The following TENM2 variants were observed in gnomAD, a reference collection of about 807,000 sequenced individuals.
TENM2 encodes the protein teneurin-2.
Under a neutral mutation model 245.2 loss-of-function variants are expected in TENM2, and 52 were observed. The observed-to-expected ratio is 0.21, with a 90% confidence interval of 0.17 to 0.27. The LOEUF is 0.27. Ranked by LOEUF, TENM2 falls within the 10% of genes least tolerant of loss-of-function variation. TENM2 has a pLI of 1.00. For missense variants in TENM2, 3,046 were observed against 3,666.8 expected, an observed-to-expected ratio of 0.83 and a Z score of 4.37; for synonymous variants, 1,363 against 1,438.9, an observed-to-expected ratio of 0.95 and a Z score of 1.19.
chr5:167,798,359 C>T (rs1482113254), intron 2 of TENM2, among the ~76,000 whole-genome samples: 1 of 152,172 alleles, frequency 6.6e-6, no homozygotes, highest in African/African-American at 2.4e-5. Context: ...TACTGCCAGC[C>T]CCCTATTCAC....
the TENM2 span, among the ~76,000 whole-genome samples, chr5:167,006,894 C>T: frequency 3.8e-4 from 58 of 152,118 alleles, 1 homozygote; most frequent in Middle Eastern, 3.4e-3. Flanking sequence ...CTTGAACTCC[C>T]GACCTCAGGT....
At position 167,841,304 on chromosome 5, in the gene TENM2, G is replaced by A. The variant is rs561677853; in HGVS notation, c.503-34682G>A. Reference sequence around the variant, plus strand: ...GAACCTGACCTCAGGTGATCTGCCCGCCTTGGCTTCCCAAAGTATTGGGAT... The same window carrying A: ...GAACCTGACCTCAGGTGATCTGCCCACCTTGGCTTCCCAAAGTATTGGGAT... On this transcript the variant is annotated intron_variant, in intron 2 of 28. Transcript: ENST00000518659. 5.9e-5 allele frequency among the ~76,000 whole-genome samples: 9 copies of A among 152,202 alleles called. No homozygotes were observed. The East Asian group carries it at 9.7e-4, about 16-fold the overall frequency.
intron 2 of TENM2, among the ~76,000 whole-genome samples, chr5:167,691,289 A>G (rs1757416893): frequency 6.6e-6 from 1 of 152,158 alleles, no homozygotes; most frequent in Non-Finnish European, 1.5e-5. Context: ...AAAATTTGTA[A>G]GGACCATCTC....
At chr5:168,238,221 G>GAAGAAAAGAGAAAAGAA in intron 25 of TENM2, among the ~76,000 whole-genome samples, 1 of 24,368 alleles carries the variant, frequency 4.1e-5, no homozygotes, top group Non-Finnish European at 8.2e-5. Flanking sequence ...GAGGGAGAGA[G>GAAGAAAAGAGAAAAGAA]AAGAAAAGAA....
At chr5:167,511,376 T>C (rs1769942364) in intron 2 of TENM2, among the ~76,000 whole-genome samples, 1 of 152,088 alleles carries the variant, frequency 6.6e-6, no homozygotes, top group East Asian at 1.9e-4. Flanking sequence ...GAAATGGAGA[T>C]GCCAGGAACA....
At chr5:168,131,653 G>A (rs1053711172) in intron 12 of TENM2, among the ~76,000 whole-genome samples, 5 of 152,238 alleles carry the variant, frequency 3.3e-5, no homozygotes, top group African/African-American at 1.2e-4. Flanking sequence ...AGAAGAAAGT[G>A]ATTGTCAGAA....
chr5:167,586,925 G>A (rs1350838212), intron 2 of TENM2, among the ~76,000 whole-genome samples: 1 of 152,202 alleles, frequency 6.6e-6, no homozygotes, highest in Non-Finnish European at 1.5e-5. Context: ...GAAAGTGCAT[G>A]TAAGTTTGTT....
At chr5:167,876,158 C>G in exon 3 of TENM2, 1 of 1,551,608 alleles carries the variant, frequency 6.4e-7, no homozygotes. Flanking sequence ...CATACCTGCT[C>G]AGAGCATGCT....
In TENM2 at chr5:167,470,454, C is replaced by CTTTTTTTTTTTTTTTTTTTTTTTTTTT. The variant is rs749016436; in HGVS notation, c.502+95003_502+95004insTTTTTTTTTTTTTTTTTTTTTTTTTTT. 1.7e-3 allele frequency among the ~76,000 whole-genome samples: 79 copies of CTTTTTTTTTTTTTTTTTTTTTTTTTTT among 47,394 alleles called. 16 individuals carry two copies. Among genetic ancestry groups the CTTTTTTTTTTTTTTTTTTTTTTTTTTT allele is most frequent in the East Asian group, 4.8e-3 (6 of 1,254 alleles). The allele number at this position is 47,394 out of a possible 152,430, so 31.1% of individuals were successfully genotyped here. On this transcript the variant is annotated intron_variant, in intron 2 of 28. Coordinates refer to ENST00000518659, the Ensembl canonical transcript of TENM2. Reference sequence around the variant, plus strand: ...TACAGAGAGGTATGGGCAATGCTTGCTTTTTTTTTTTTTTTTTTTTTTGCT... The same window carrying CTTTTTTTTTTTTTTTTTTTTTTTTTTT: ...TACAGAGAGGTATGGGCAATGCTTGCTTTTTTTTTTTTTTTTTTTTTTTTTTTTTTTTTTTTTTTTTTTTTTTTTGCT...
At chr5:167,094,228 G>C in the TENM2 span, among the ~76,000 whole-genome samples, 2 of 152,004 alleles carry the variant, frequency 1.3e-5, no homozygotes, top group East Asian at 3.9e-4. Context: ...TATTTAAAAT[G>C]TACAATTTGG....
chr5:167,129,110 T>C, the TENM2 span, among the ~76,000 whole-genome samples: 2 of 152,130 alleles, frequency 1.3e-5, no homozygotes, highest in Admixed American at 1.3e-4. Flanking sequence ...ATTTTCCCCT[T>C]CATTTGACTG....
intron 2 of TENM2, among the ~76,000 whole-genome samples, chr5:167,499,684 A>G (rs1352385190): frequency 6.6e-6 from 1 of 152,180 alleles, no homozygotes; most frequent in Admixed American, 6.6e-5. Context: ...GTACATTAAC[A>G]GAGATGGATG....
the TENM2 span, among the ~76,000 whole-genome samples, chr5:167,229,689 G>T: frequency 6.6e-6 from 1 of 152,164 alleles, no homozygotes; most frequent in Non-Finnish European, 1.5e-5. Flanking sequence ...TTCCTGGATG[G>T]GTGCTCAGGG....
chr5:167,344,329 TAG>T (rs201820365), intron 1 of TENM2, among the ~76,000 whole-genome samples: 33,402 of 141,100 alleles, frequency 0.24, 4,845 homozygotes, highest in Non-Finnish European at 0.33. Flanking sequence ...TATATATATA[TAG>T]ATATATTGCA....
chr5:167,545,699 A>C (rs1471141755), intron 2 of TENM2, among the ~76,000 whole-genome samples: 1 of 152,152 alleles, frequency 6.6e-6, no homozygotes, highest in Admixed American at 6.5e-5. Flanking sequence ...GTACATCCAA[A>C]GTTTGTGAAC....
intron 3 of TENM2, among the ~76,000 whole-genome samples, chr5:167,884,965 G>A (rs748728728): frequency 6.6e-6 from 1 of 152,072 alleles, no homozygotes; most frequent in East Asian, 1.9e-4. Flanking sequence ...GTGTGAAATG[G>A]TATTTCTTCA....
At chr5:167,179,107 G>A in the TENM2 span, among the ~76,000 whole-genome samples, 1 of 152,112 alleles carries the variant, frequency 6.6e-6, no homozygotes, top group East Asian at 1.9e-4. Flanking sequence ...CTCTTAATAA[G>A]GCATTCCACT....
At chr5:167,952,846 A>C in intron 4 of TENM2, 24 bp downstream of exon 6, 1 of 1,538,782 alleles carries the variant, frequency 6.5e-7, no homozygotes, top group Non-Finnish European at 8.8e-7. Flanking sequence ...GCCAGCTCAC[A>C]GTCACACTCA....
chr5:167,506,546 A>C (rs1769563067), intron 2 of TENM2, among the ~76,000 whole-genome samples: 1 of 152,178 alleles, frequency 6.6e-6, no homozygotes. Flanking sequence ...GGTTATATTT[A>C]AAGATATTTT....
Sources: allele counts gnomAD v4.1 joint callset (sites outside exome capture counted in the v4.1 genomes callset), GRCh38; gene constraint gnomAD v4.1.1; transcripts MANE v1.5; gene names NCBI Gene and HGNC (gene_info 2026-07-23, HGNC 2026-07-21).